PTPRN2: variants seen among roughly 807,000 people sequenced by gnomAD.
The protein encoded by PTPRN2 is receptor-type tyrosine-protein phosphatase N2.
A neutral mutation model predicts 118.8 loss-of-function variants in PTPRN2; 74 were observed. That is an observed-to-expected ratio of 0.62 (90% CI 0.52 to 0.76). The LOEUF (loss-of-function observed/expected upper bound fraction) is 0.76. Among genes scored for constraint, PTPRN2 ranks in the 30% least tolerant of loss-of-function variants. PTPRN2 has a pLI of 0.00. For missense variants in PTPRN2, 1,481 were observed against 1,394.4 expected (o/e 1.06, Z -0.99); for synonymous variants, 641 against 608.0 (o/e 1.05, Z -0.80).
chr7:157,879,140 G>A lies in PTPRN2; in HGVS notation c.1788+19533C>T, dbSNP rs533468893. Among the ~76,000 whole-genome samples the A allele has an allele frequency of 6.0e-3, 871 of 145,188 alleles. 8 individuals carry two copies. The highest frequency in any genetic ancestry group is 0.02 in the African/African-American group (780 of 38,174). ...ACTCACCGAGGAGCTCTCGGATTCC[G>A]TGGGGCTGGACGGGTCAGTGTGATA... On this transcript the variant is annotated intron_variant, in intron 12 of 22. Coordinates refer to ENST00000389418, the MANE Select transcript of PTPRN2 (RefSeq NM_002847.5).
At chr7:158,533,489 G>C (rs1442014907) in intron 1 of PTPRN2, among the ~76,000 whole-genome samples, 2 of 152,190 alleles carry the variant, frequency 1.3e-5, no homozygotes, top group Non-Finnish European at 2.9e-5. Context: ...AAGCCATCAG[G>C]AGCCAGACAG....
rs187810268 is a variant in PTPRN2, at chr7:158,236,731, C to G, written c.278-31458G>C. On this transcript the variant is annotated intron_variant, in intron 3 of 22. Transcript: ENST00000389418. ...CTGGTCACCCAGTTACCTGGTGGAA[C>G]CCGTCCCCACCCAGCCACTCTGTTA... Among the ~76,000 whole-genome samples, 240 of 152,324 alleles carry G rather than the reference C, an allele frequency of 1.6e-3. 2 individuals are homozygous for G. The highest frequency in any genetic ancestry group is 5.7e-3 in the African/African-American group (236 of 41,574).
intron 1 of PTPRN2, among the ~76,000 whole-genome samples, chr7:158,552,280 T>C (rs1826707536): frequency 6.7e-6 from 1 of 149,742 alleles, no homozygotes; most frequent in South Asian, 2.1e-4. Context: ...AATGCATGCA[T>C]TTGAGCCCCC....
intron 21 of PTPRN2, among the ~76,000 whole-genome samples, chr7:157,567,931 C>T (rs918707461): frequency 1.3e-5 from 2 of 152,138 alleles, no homozygotes; most frequent in Non-Finnish European, 2.9e-5. Flanking sequence ...GCACACCTGC[C>T]CTGTGATGCC....
intron 3 of PTPRN2, among the ~76,000 whole-genome samples, chr7:158,224,993 T>C (rs1372061693): frequency 6.6e-6 from 1 of 151,968 alleles, no homozygotes; most frequent in Non-Finnish European, 1.5e-5. Context: ...ATCAGGGAAA[T>C]GTCAATTACA....
At chr7:157,994,197 C>T (rs1042652440) in intron 11 of PTPRN2, among the ~76,000 whole-genome samples, 6 of 152,100 alleles carry the variant, frequency 3.9e-5, no homozygotes, top group African/African-American at 1.4e-4. Flanking sequence ...GAGAAAATAC[C>T]GATGCAGGTC....
At chr7:158,113,146 G>A (rs1427766378) in intron 9 of PTPRN2, among the ~76,000 whole-genome samples, 1 of 152,156 alleles carries the variant, frequency 6.6e-6, no homozygotes, top group African/African-American at 2.4e-5. Flanking sequence ...ATTCCAAGAA[G>A]GAGAAGGGCC....
Position 157,813,666 on chromosome 7 carries a change from G to C in PTPRN2, c.1788+85007C>G, listed in dbSNP as rs139700458. Among the ~76,000 whole-genome samples, 1,257 of 152,056 alleles carry C rather than the reference G, an allele frequency of 8.3e-3. 68 individuals are homozygous for C. In the South Asian group the frequency reaches 0.15, roughly 18 times the overall value. ...CGCATTTCTTCCTCACTGCATCGCT[G>C]TATTTTCCAGATGTCCACTGAGGAA... On this transcript the variant is annotated intron_variant, in intron 12 of 22. Coordinates refer to ENST00000389418, the MANE Select transcript of PTPRN2 (RefSeq NM_002847.5). This position sits in a 1 kb window ranked among gnomAD's most constrained non-coding sequence, Gnocchi z 4.7.
intron 3 of PTPRN2, among the ~76,000 whole-genome samples, chr7:158,277,118 C>A (rs1304705794): frequency 6.7e-6 from 1 of 148,724 alleles, no homozygotes; most frequent in Admixed American, 6.7e-5. Flanking sequence ...TGCACACACA[C>A]ACACACGTGC....
intron 16 of PTPRN2, among the ~76,000 whole-genome samples, chr7:157,597,855 C>T (rs776999177): frequency 3.3e-5 from 5 of 152,200 alleles, no homozygotes; most frequent in Admixed American, 6.5e-5. Flanking sequence ...CATGATGATC[C>T]GAGTGGTGAC....
chr7:157,687,721 A>G (rs1797266577), intron 12 of PTPRN2, among the ~76,000 whole-genome samples: 1 of 152,248 alleles, frequency 6.6e-6, no homozygotes, highest in Non-Finnish European at 1.5e-5. Flanking sequence ...TAAATTTACT[A>G]AAAGGCATTA....
chr7:158,257,416 G>A (rs571673285), intron 3 of PTPRN2, among the ~76,000 whole-genome samples: 1 of 152,266 alleles, frequency 6.6e-6, no homozygotes, highest in South Asian at 2.1e-4. Context: ...GTGATTTGAG[G>A]ACCTGCTGTA....
At chr7:158,510,789 C>G (rs866975629) in intron 1 of PTPRN2, among the ~76,000 whole-genome samples, 1 of 152,188 alleles carries the variant, frequency 6.6e-6, no homozygotes, top group African/African-American at 2.4e-5. Context: ...GCCGACAGGT[C>G]GGATGTGAAT....
intron 14 of PTPRN2, among the ~76,000 whole-genome samples, chr7:157,641,775 A>G (rs1183686518): frequency 1.3e-5 from 2 of 152,202 alleles, no homozygotes; most frequent in Non-Finnish European, 2.9e-5. Context: ...GCAAACGTAC[A>G]CAAATAAGTG....
chr7:158,370,454 T>C (rs1311727098), intron 2 of PTPRN2, among the ~76,000 whole-genome samples: 4 of 143,654 alleles, frequency 2.8e-5, no homozygotes, highest in South Asian at 2.2e-4. Context: ...AAAGAAAAAA[T>C]AAATAAAGGC....
intron 3 of PTPRN2, among the ~76,000 whole-genome samples, chr7:158,253,758 T>C (rs186880762): frequency 6.6e-6 from 1 of 152,348 alleles, no homozygotes; most frequent in Non-Finnish European, 1.5e-5. Flanking sequence ...AAATGATTCA[T>C]TAGAAGAGCG....
chr7:158,552,146 G>GA (rs1190004141), intron 1 of PTPRN2, among the ~76,000 whole-genome samples: 3 of 132,518 alleles, frequency 2.3e-5, no homozygotes, highest in East Asian at 2.5e-4. Context: ...ATTGCATCAG[G>GA]GTGGGGCTCT....
intron 3 of PTPRN2, among the ~76,000 whole-genome samples, chr7:158,238,267 C>T (rs1335018937): frequency 2.0e-5 from 3 of 152,096 alleles, no homozygotes; most frequent in African/African-American, 2.4e-5. Context: ...GAGAGGAGCC[C>T]AGCACACCTG....
At chr7:157,872,252 T>C (rs1443973376) in intron 12 of PTPRN2, among the ~76,000 whole-genome samples, 2 of 118,570 alleles carry the variant, frequency 1.7e-5, no homozygotes, top group South Asian at 2.9e-4. Flanking sequence ...CACACACACA[T>C]ATCCAGTGTC....
Sources: gnomAD v4.1 joint callset for allele counts (sites outside exome capture counted in the v4.1 genomes callset) on GRCh38, gnomAD v4.1.1 for gene constraint, Gnocchi (gnomAD v3.1) non-coding constraint, MANE v1.5 for transcripts, NCBI Gene and HGNC (gene_info 2026-07-23, HGNC 2026-07-21) for gene names.